The following ATP8B3 variants were observed in gnomAD, a reference collection of about 807,000 sequenced individuals.
ATP8B3 encodes the protein ATPase phospholipid transporting 8B3, also known as phospholipid-transporting ATPase IK.
ATP8B3 carries 141 observed loss-of-function variants against 140.9 expected under a neutral mutation model. That is an observed-to-expected ratio of 1.00 (90% CI 0.87 to 1.15). ATP8B3 has a LOEUF of 1.15. Among genes scored for constraint, ATP8B3 ranks in the 50% most tolerant of loss-of-function variants. The probability of loss-of-function intolerance (pLI) is 0.00; values close to 1 mark genes in which losing one functional copy is unlikely to be tolerated. For missense variants in ATP8B3, 1,874 were observed against 1,740.6 expected, an observed-to-expected ratio of 1.08 and a Z score of -1.36; for synonymous variants, 765 against 714.6, an observed-to-expected ratio of 1.07 and a Z score of -1.13.
chr19:1,783,223 C>G lies in ATP8B3; in HGVS notation c.3708G>C (p.Glu1236Asp). 2 of 1,612,070 alleles carry G rather than the reference C, an allele frequency of 1.2e-6. No individual in the cohort carries two copies. The highest frequency in any genetic ancestry group is 1.7e-6 in the Non-Finnish European group (2 of 1,179,150). Residue 1236 changes from glutamate to aspartate, a missense_variant, in exon 29 of 29, where the codon GAG (glutamate) becomes GAC (aspartate). Around this residue, in one of 3 missense-constraint regions of ATP8B3, gnomAD observed 840 missense variants for 760.9 expected, o/e 1.10. Transcript: ENST00000310127. ...ACTCCCGGTGTACATGAGGCAAGGG[C>G]TCCATGGTGAAAATCTCCTCGCTGG... ...EGPSEEIFTM[E>D]PLPHVHRESR... is the part of the protein sequence containing the mutation.
In ATP8B3 at chr19:1,800,264, G is replaced by A. The variant is rs756430046; in HGVS notation, c.1338C>T (p.Phe446=). ...CGCAGCCGGCGGAGACTCACAGGAT[G>A]AACATGGACATCGGGATGGTGACGC... is the stretch of plus-strand genomic sequence containing the variant. ...LLSVTIPMSM[F]ILSEFIYLGN... is the part of the protein sequence containing the mutation. Residue 446 remains phenylalanine (F), a synonymous_variant, in exon 13 of 29, where the codon TTC becomes TTT. Transcript: ENST00000310127. This position sits in a 1 kb window ranked among gnomAD's most constrained non-coding sequence, Gnocchi z 4.4. 2.5e-6 allele frequency: 4 copies of A among 1,611,480 alleles called. No individual in the cohort carries two copies. In the East Asian group the frequency reaches 6.7e-5, roughly 27 times the overall value.
In ATP8B3 at chr19:1,794,334, G is replaced by A. The variant is rs1036250235; in HGVS notation, c.2055+1541C>T. Among the ~76,000 whole-genome samples, 3 of 152,178 alleles carry A rather than the reference G, an allele frequency of 2.0e-5. No homozygotes were observed. Among genetic ancestry groups the A allele is most frequent in the Admixed American group, 6.5e-5 (1 of 15,270 alleles). ...CCCATCCATTCCCTGGGGTGGCTGA[G>A]CTAAGCTGACCTGCTGAGCTCCTGG... On this transcript the variant is annotated intron_variant, in intron 18 of 28. Coordinates refer to ENST00000310127, the MANE Select transcript of ATP8B3 (RefSeq NM_138813.4). This position sits in a 1 kb window ranked among gnomAD's most constrained non-coding sequence, Gnocchi z 4.8.
In ATP8B3 at chr19:1,785,153, G is replaced by A. The variant is rs2068263747; in HGVS notation, c.3532+6C>T. 1.3e-6 allele frequency: 2 copies of A among 1,559,280 alleles called. No individual in the cohort carries two copies. Among genetic ancestry groups the A allele is most frequent in the South Asian group, 1.2e-5 (1 of 82,926 alleles). ...CCGCCCGTCCCACTTCCCCATGGGG[G>A]CTCACACAGAAACGGGAAGGTCGTG... On this transcript the variant is annotated splice_donor_region_variant and intron_variant, in intron 27 of 28. Transcript: ENST00000310127.
At position 1,800,478 on chromosome 19, in the gene ATP8B3, A is replaced by C; in HGVS notation, c.1153-29T>G. 2.3e-4 allele frequency: 179 copies of C among 764,912 alleles called. No individual in the cohort carries two copies. Among genetic ancestry groups the C allele is most frequent in the Non-Finnish European group, 3.5e-4 (162 of 465,842 alleles). 47.4% of individuals were successfully genotyped at this position (764,912 alleles called of 1,614,324 possible). On this transcript the variant is annotated intron_variant, in intron 12 of 28. Transcript: ENST00000310127. This position sits in a 1 kb window ranked among gnomAD's most constrained non-coding sequence, Gnocchi z 4.4. ...GAAGGCAGACGCGACAGGGTGGGTG[A>C]GGGGGGCGGGGGTCCCCCACTCTGC...
chr19:1,787,165 G>A lies in ATP8B3; in HGVS notation c.3091C>T (p.Leu1031=). The A allele has an allele frequency of 6.2e-7, 1 of 1,610,944 alleles. No homozygotes were observed. Among genetic ancestry groups the A allele is most frequent in the Admixed American group, 1.7e-5 (1 of 59,680 alleles). ...CTGTACAGGAGGTTGAAAAGAGCCA[G>A]GAACCATCCTTCATACAGGGGCTGA... ...TGQPLYEGWF[L]ALFNLLYSTL... The change falls in exon 25 of 29, where the codon CTG becomes TTG. Residue 1031 remains leucine (L), a synonymous_variant. Coordinates refer to ENST00000310127, the MANE Select transcript of ATP8B3 (RefSeq NM_138813.4).
intron 18 of ATP8B3, 106 bp from the exon 19 acceptor site, chr19:1,792,241 A>C: frequency 1.7e-5 from 22 of 1,292,198 alleles, no homozygotes; most frequent in South Asian, 3.1e-5. Flanking sequence ...CCCCAACCAA[A>C]AGCCTGTTGC....
chr19:1,795,600 C>T (rs1838024845), intron 18 of ATP8B3, among the ~76,000 whole-genome samples: 1 of 152,016 alleles, frequency 6.6e-6, no homozygotes, highest in Non-Finnish European at 1.5e-5. Flanking sequence ...GACGCTCTCT[C>T]TCTGGGGGCT....
intron 28 of ATP8B3, 104 bp from the exon 29 acceptor site, chr19:1,783,374 A>G: frequency 2.1e-6 from 3 of 1,400,264 alleles, no homozygotes; most frequent in Middle Eastern, 3.7e-4. Context: ...CTTGGCCACT[A>G]TTGATTGGCT....
intron 24 of ATP8B3, 90 bp from the exon 25 acceptor site, chr19:1,787,276 G>T (rs1199493809): frequency 8.9e-7 from 1 of 1,123,064 alleles, no homozygotes; most frequent in Non-Finnish European, 1.3e-6. Flanking sequence ...GGTTCTGGGT[G>T]AGGTAACTCT....
Position 1,807,675 on chromosome 19 carries a change from C to A in ATP8B3, c.517-409G>T, listed in dbSNP as rs2069068563. 6.6e-6 allele frequency among the ~76,000 whole-genome samples: 1 copy of A among 152,280 alleles called. No homozygotes were observed. Among genetic ancestry groups the A allele is most frequent in the Non-Finnish European group, 1.5e-5 (1 of 68,046 alleles). Reference sequence around the variant, plus strand: ...GCCAGCGGCCTGCACACAGTAGGTACTCCATTAATGCTGAATGACTCGATG... The same window carrying A: ...GCCAGCGGCCTGCACACAGTAGGTAATCCATTAATGCTGAATGACTCGATG... On this transcript the variant is annotated intron_variant, in intron 5 of 28. Coordinates refer to ENST00000310127, the MANE Select transcript of ATP8B3 (RefSeq NM_138813.4). This position sits in a 1 kb window ranked among gnomAD's most constrained non-coding sequence, Gnocchi z 5.9.
In ATP8B3 at chr19:1,800,494, C is replaced by T. The variant is rs761882440; in HGVS notation, c.1153-45G>A. 2 of 1,545,118 alleles carry T rather than the reference C, an allele frequency of 1.3e-6. No homozygotes were observed. The highest frequency in any genetic ancestry group is 1.8e-6 in the Non-Finnish European group (2 of 1,127,740). ...GGGTGGGTGAGGGGGGCGGGGGTCC[C>T]CCACTCTGCCATCAGGATGGGGTAA... On this transcript the variant is annotated intron_variant, in intron 12 of 28. Transcript: ENST00000310127. This position sits in a 1 kb window ranked among gnomAD's most constrained non-coding sequence, Gnocchi z 4.4.
chr19:1,811,803 G>C lies in ATP8B3; in HGVS notation c.-67C>G, dbSNP rs539296213. The C allele has an allele frequency of 7.2e-5, 107 of 1,484,438 alleles. No individual in the cohort carries two copies. Among genetic ancestry groups the C allele is most frequent in the Non-Finnish European group, 7.8e-5 (87 of 1,118,514 alleles). 92.0% of individuals were successfully genotyped at this position (1,484,438 alleles called of 1,614,324 possible). On this transcript the variant is annotated 5_prime_UTR_variant, in exon 2 of 29. Transcript: ENST00000310127. ...TTAGGCTGTGGGACGGGGGAGAGGT[G>C]GGGGAGACCCCCGTGGGGGCAGACT...
chr19:1,789,527 C>T lies in ATP8B3; in HGVS notation c.2679G>A (p.Val893=). The T allele has an allele frequency of 6.3e-7, 1 of 1,598,298 alleles. No homozygotes were observed. The highest frequency in any genetic ancestry group is 8.5e-7 in the Non-Finnish European group (1 of 1,178,830). The change falls in exon 23 of 29, where the codon GTG becomes GTA. Residue 893 remains valine (V), a synonymous_variant. Coordinates refer to ENST00000310127, the MANE Select transcript of ATP8B3 (RefSeq NM_138813.4). The part of the protein sequence containing the change: ...QDSRARRSSE[V]LQERAFVDLA... ...GGTCCACGAAGGCGCGCTCCTGCAG[C>T]ACCTCGGAGCTACGGCGGGCTCTGG...
At position 1,811,655 on chromosome 19, in the gene ATP8B3, T is replaced by G; in HGVS notation, c.82A>C (p.Thr28Pro). 12 of 1,610,808 alleles carry G rather than the reference T, an allele frequency of 7.4e-6. No homozygotes were observed. Among genetic ancestry groups the G allele is most frequent in the Non-Finnish European group, 9.3e-6 (11 of 1,179,740 alleles). Residue 28 changes from threonine (T) to proline (P), a missense_variant, in exon 2 of 29, where the codon ACG becomes CCG. Around this residue, in one of 3 missense-constraint regions of ATP8B3, gnomAD observed 1,032 missense variants for 963.6 expected, o/e 1.07. Transcript: ENST00000310127. ...PSPAPPGPGDTGDSDVTQEGS... is the reference protein window; with the variant it reads ...PSPAPPGPGDPGDSDVTQEGS... ...TCCTGAGTCACGTCTGAGTCACCCG[T>G]GTCCCCAGGTCCTGGTGGGGCAGGG...
At chr19:1,785,440 G>T (rs2145169148) in intron 26 of ATP8B3, 29 bp downstream of exon 26, 1 of 1,606,646 alleles carries the variant, frequency 6.2e-7, no homozygotes, top group East Asian at 2.2e-5. Context: ...CCATGTCCAA[G>T]GCCCCGGGGA....
intron 14 of ATP8B3, 49 bp from the exon 15 acceptor site, chr19:1,797,054 C>T (rs778326317): frequency 1.6e-5 from 25 of 1,611,790 alleles, no homozygotes; most frequent in Admixed American, 1.7e-5. Flanking sequence ...GCCCCCCATT[C>T]GGGATCCCAT....
At chr19:1,796,572 G>T (rs2068682741) in intron 16 of ATP8B3, 139 bp downstream of exon 16, 3 of 1,149,810 alleles carry the variant, frequency 2.6e-6, no homozygotes, top group African/African-American at 1.6e-5. Context: ...TCGAGGTGCG[G>T]CTGGTGTCAC....
At chr19:1,787,242 C>G (rs796599712) in intron 24 of ATP8B3, 56 bp from the exon 25 acceptor site, 1 of 1,479,474 alleles carries the variant, frequency 6.8e-7, no homozygotes, top group Non-Finnish European at 9.3e-7. Context: ...ACCCAAGGAG[C>G]CTGCCAAGCA....
rs765776988 is a variant in ATP8B3 at position 1,791,823 on chromosome 19, G to A, written c.2229C>T (p.Asp743=). Residue 743 remains aspartate (D), a synonymous_variant, in exon 20 of 29, where the codon GAC becomes GAT. Coordinates refer to ENST00000310127, the MANE Select transcript of ATP8B3 (RefSeq NM_138813.4). ...GACATTTGATGGTTTCAGGGACACC[G>A]TCCTGGAGTCTGTCCTCGATGGCTG... ...GATAIEDRLQ[D]GVPETIKCLK... 3.5e-5 allele frequency: 57 copies of A among 1,611,650 alleles called. No homozygotes were observed. Among genetic ancestry groups the A allele is most frequent in the Middle Eastern group, 3.3e-4 (2 of 6,060 alleles).
Sources: gnomAD v4.1 joint callset for allele counts (sites outside exome capture counted in the v4.1 genomes callset) on GRCh38, gnomAD v4.1.1 for gene constraint, gnomAD v4.1.1 regional missense constraint, Gnocchi (gnomAD v3.1) non-coding constraint, MANE v1.5 for transcripts, NCBI Gene and HGNC (gene_info 2026-07-23, HGNC 2026-07-21) for gene names.